PTPRM: variants seen among roughly 807,000 people sequenced by gnomAD.
PTPRM encodes the protein protein tyrosine phosphatase receptor type M.
PTPRM carries 47 observed loss-of-function variants against 186.7 expected under a neutral mutation model. The ratio of observed to expected loss-of-function variants is 0.25; its 90% CI spans 0.20 to 0.32. The LOEUF (loss-of-function observed/expected upper bound fraction) is 0.32, where lower values mean the gene tolerates loss of function less well. Among genes scored for constraint, PTPRM ranks in the 10% least tolerant of loss-of-function variants. The pLI, the probability that PTPRM is intolerant of heterozygous loss-of-function variation, is 1.00. For missense variants in PTPRM, 1,494 were observed against 1,865.0 expected, an observed-to-expected ratio of 0.80 and a Z score of 3.66; for synonymous variants, 668 against 674.9, an observed-to-expected ratio of 0.99 and a Z score of 0.16.
intron 6 of PTPRM, 63 bp from the exon 7 acceptor site, chr18:7,955,058 G>T: frequency 7.0e-7 from 1 of 1,432,680 alleles, no homozygotes; most frequent in Non-Finnish European, 9.4e-7. Flanking sequence ...ATTGATGCAT[G>T]TTTAGCTCTT....
intron 19 of PTPRM, among the ~76,000 whole-genome samples, chr18:8,294,400 G>T (rs147555446): frequency 6.6e-6 from 1 of 152,164 alleles, no homozygotes; most frequent in Non-Finnish European, 1.5e-5. Context: ...TCTTCACCTC[G>T]TGACAGCAAG....
At chr18:7,996,324 G>A (rs2083534381) in intron 7 of PTPRM, among the ~76,000 whole-genome samples, 1 of 152,004 alleles carries the variant, frequency 6.6e-6, no homozygotes, top group Admixed American at 6.6e-5. Context: ...ATCTCTATAG[G>A]TGCAGAAAAA....
At chr18:8,385,409 T>A (rs1309104437) in intron 30 of PTPRM, among the ~76,000 whole-genome samples, 1 of 152,240 alleles carries the variant, frequency 6.6e-6, no homozygotes, top group Non-Finnish European at 1.5e-5. Context: ...TAGAAAGTGC[T>A]AGGGCCTTAC....
intron 1 of PTPRM, among the ~76,000 whole-genome samples, chr18:7,651,608 A>G (rs2038706673): frequency 2.0e-5 from 3 of 151,932 alleles, no homozygotes; most frequent in Admixed American, 6.6e-5. Context: ...CATATCTACA[A>G]CTATCTGATC....
At chr18:8,044,199 AAG>A (rs995125144) in intron 7 of PTPRM, among the ~76,000 whole-genome samples, 1 of 152,210 alleles carries the variant, frequency 6.6e-6, no homozygotes, top group Non-Finnish European at 1.5e-5. Context: ...GGGGCCTGAC[AAG>A]AGTTTGTTCA....
intron 2 of PTPRM, among the ~76,000 whole-genome samples, chr18:7,879,468 G>T (rs564580336): frequency 6.6e-6 from 1 of 152,152 alleles, no homozygotes; most frequent in Non-Finnish European, 1.5e-5. Flanking sequence ...GTCCAAGTTT[G>T]TCTCGTTTGT....
At chr18:7,731,334 A>T (rs956030004) in intron 1 of PTPRM, among the ~76,000 whole-genome samples, 5 of 152,210 alleles carry the variant, frequency 3.3e-5, no homozygotes, top group Non-Finnish European at 7.3e-5. Context: ...TATTCTTAGG[A>T]TGCAATGGTA....
intron 14 of PTPRM, among the ~76,000 whole-genome samples, chr18:8,159,369 C>T (rs138973778): frequency 2.9e-4 from 44 of 152,276 alleles, no homozygotes; most frequent in African/African-American, 9.1e-4. Context: ...GCTTATGGCA[C>T]TGCTGTGGTG....
chr18:7,786,507 A>C (rs2043102599), intron 2 of PTPRM, among the ~76,000 whole-genome samples: 1 of 152,210 alleles, frequency 6.6e-6, no homozygotes, highest in South Asian at 2.1e-4. Flanking sequence ...AAAATGCATA[A>C]AAAATTGAAA....
At position 7,616,713 on chromosome 18, in the gene PTPRM, T is replaced by A. The variant is rs373691794; in HGVS notation, c.73+48822T>A. On this transcript the variant is annotated intron_variant, in intron 1 of 32. Transcript: ENST00000580170. ...CCTGGAAGAATGCCTTGAGAGAAGC[T>A]GCAGCCAGTTTGTGCTGGTGAGGAA... Among the ~76,000 whole-genome samples the A allele has an allele frequency of 7.2e-5, 11 of 152,290 alleles. No individual in the cohort carries two copies. The East Asian group carries it at 2.1e-3, about 30-fold the overall frequency.
rs767201253 is a variant in PTPRM, at chr18:8,380,254, TTTTCCTGAGTATA to T, written c.3787-38_3787-26del. ...AATAACCTAGCTTCTTCTCTTCCCA[TTTTCCTGAGTATA>T]TTTGGAGCATTCTTGTTTGTGTTTG... is the stretch of plus-strand genomic sequence containing the variant. On this transcript the variant is annotated intron_variant, in intron 28 of 32. Coordinates refer to ENST00000580170, the MANE Select transcript of PTPRM (RefSeq NM_001105244.2). 3.4e-5 allele frequency: 55 copies of T among 1,595,224 alleles called. No homozygotes were observed. The South Asian group carries it at 5.9e-4, about 17-fold the overall frequency.
chr18:7,619,219 G>T (rs1361387495), intron 1 of PTPRM, among the ~76,000 whole-genome samples: 1 of 152,168 alleles, frequency 6.6e-6, no homozygotes, highest in Admixed American at 6.5e-5. Flanking sequence ...TGAATGTCTG[G>T]ATGCCAGGAA....
At chr18:8,217,005 G>C (rs1215007746) in intron 14 of PTPRM, among the ~76,000 whole-genome samples, 1 of 152,206 alleles carries the variant, frequency 6.6e-6, no homozygotes, top group Admixed American at 6.5e-5. Flanking sequence ...TTCGCGTAGA[G>C]TAACTCTTAG....
chr18:7,894,645 T>C (rs2049262650), intron 3 of PTPRM, among the ~76,000 whole-genome samples: 1 of 151,962 alleles, frequency 6.6e-6, no homozygotes, highest in South Asian at 2.1e-4. Flanking sequence ...TATGTGTGCA[T>C]GGATACATGT....
chr18:7,680,054 C>T (rs1206225959), intron 1 of PTPRM, among the ~76,000 whole-genome samples: 1 of 151,908 alleles, frequency 6.6e-6, no homozygotes, highest in African/African-American at 2.4e-5. Context: ...TTTGTAGAGA[C>T]AGGGTTTCAC....
chr18:8,182,276 A>G (rs2093586503), intron 14 of PTPRM, among the ~76,000 whole-genome samples: 1 of 152,072 alleles, frequency 6.6e-6, no homozygotes, highest in Admixed American at 6.5e-5. Context: ...GGTATATTGC[A>G]TGATGCTGAG....
At chr18:7,679,889 A>G (rs982870304) in intron 1 of PTPRM, among the ~76,000 whole-genome samples, 4 of 152,090 alleles carry the variant, frequency 2.6e-5, no homozygotes, top group African/African-American at 9.6e-5. Context: ...TTTTTGCGAC[A>G]AGATCTCACT....
At chr18:7,965,071 CTT>C (rs2053939744) in intron 7 of PTPRM, among the ~76,000 whole-genome samples, 2 of 99,716 alleles carry the variant, frequency 2.0e-5, no homozygotes, top group Admixed American at 2.0e-4. Context: ...GAGTTTCGCT[CTT>C]GTGTACCCAG....
chr18:7,913,825 G>C (rs8091739), intron 4 of PTPRM, among the ~76,000 whole-genome samples: 23,254 of 151,956 alleles, frequency 0.15, 1,903 homozygotes, highest in Middle Eastern at 0.33. Flanking sequence ...AAATAATACA[G>C]TAAAAAAGAG....
Sources: gnomAD v4.1 joint callset for allele counts (sites outside exome capture counted in the v4.1 genomes callset) on GRCh38, gnomAD v4.1.1 for gene constraint, MANE v1.5 for transcripts, NCBI Gene and HGNC (gene_info 2026-07-23, HGNC 2026-07-21) for gene names.